ZNF280C: variants seen among roughly 807,000 people sequenced by gnomAD.
ZNF280C encodes the protein suppressor of hairy wing homolog 3.
A neutral mutation model predicts 53.6 loss-of-function variants in ZNF280C; 14 were observed. The observed-to-expected ratio is 0.26, with a 90% CI of 0.17 to 0.41. The LOEUF (loss-of-function observed/expected upper bound fraction) is 0.41, where lower values mean the gene tolerates loss of function less well. Ranked by LOEUF, ZNF280C falls within the 10% of genes least tolerant of loss-of-function variation. ZNF280C has a pLI of 1.00. For missense variants in ZNF280C, 416 were observed against 547.1 expected (o/e 0.76, Z 2.39); for synonymous variants, 203 against 181.1 (o/e 1.12, Z -0.97).
At chrX:130,209,785 C>T in intron 15 of ZNF280C, 70 bp from the exon 16 acceptor site, 1 of 842,967 alleles carries the variant, frequency 1.2e-6, no homozygotes, top group South Asian at 2.4e-5. Flanking sequence ...TTTCTGACCA[C>T]ATTTCAAGCC....
Position 130,236,269 on chromosome X carries a change from C to A in ZNF280C, c.716G>T (p.Cys239Phe). ...YDAGADYLRA[C>F]PKCNVQFNLL... ...ATTGAACTGAACATTGCACTTTGGA[C>A]AAGCTCTTAGGTAATCTGCTCCAGC... The change falls in exon 8 of 19, where the codon TGT becomes TTT. Residue 239 changes from cysteine to phenylalanine, a missense_variant. Physicochemically the swap from Cys to Phe is radical, Grantham distance 205 (BLOSUM62 -2). Coordinates refer to ENST00000370978, the MANE Select transcript of ZNF280C (RefSeq NM_017666.5). The A allele has an allele frequency of 8.3e-7, 1 of 1,208,108 alleles. No individual in the cohort carries two copies. Among genetic ancestry groups the A allele is most frequent in the African/African-American group, 1.7e-5 (1 of 57,749 alleles).
Position 130,226,745 on chromosome X carries a change from C to T in ZNF280C, c.1395+14G>A, listed in dbSNP as rs764886088. 3 of 1,198,518 alleles carry T rather than the reference C, an allele frequency of 2.5e-6. No individual in the cohort carries two copies. Among genetic ancestry groups the T allele is most frequent in the Admixed American group, 4.6e-5 (2 of 43,516 alleles). ...CTAAGACAACATGAACAAATAAGAA[C>T]TGCTTAATCTCACCTGATGCTTCAT... On this transcript the variant is annotated intron_variant, in intron 12 of 18. Coordinates refer to ENST00000370978, the MANE Select transcript of ZNF280C (RefSeq NM_017666.5).
Position 130,204,993 on chromosome X carries a change from C to T in ZNF280C, c.2199-1G>A. 1 of 1,036,439 alleles carries T rather than the reference C, an allele frequency of 9.6e-7. No individual in the cohort carries two copies. Among genetic ancestry groups the T allele is most frequent in the Non-Finnish European group, 1.2e-6 (1 of 801,536 alleles). 85.4% of individuals were successfully genotyped at this position (1,036,439 alleles called of 1,213,427 possible). On this transcript the variant is annotated splice_acceptor_variant, in intron 18 of 18. Transcript: ENST00000370978. LOFTEE classifies it high-confidence loss of function. ...AGCAGGAATCTATTTCAATGAGCAG[C>T]TTTAAGAAAAAAAAAAAAAAACTTT... is the stretch of plus-strand genomic sequence containing the variant.
chrX:130,257,044 CAA>C (rs1211466342), intron 2 of ZNF280C, among the ~76,000 whole-genome samples: 1 of 107,295 alleles, frequency 9.3e-6, no homozygotes, highest in African/African-American at 3.4e-5. Context: ...ACTAAAAACA[CAA>C]AAAAATTAGC....
intron 2 of ZNF280C, among the ~76,000 whole-genome samples, chrX:130,247,990 T>C (rs754334678): frequency 1.9e-5 from 2 of 107,451 alleles, no homozygotes; most frequent in African/African-American, 6.8e-5. Flanking sequence ...AGCATTTTAG[T>C]GCCTCACTCT....
At chrX:130,249,731 C>G (rs2032487665) in intron 2 of ZNF280C, among the ~76,000 whole-genome samples, 1 of 112,085 alleles carries the variant, frequency 8.9e-6, no homozygotes, top group African/African-American at 3.2e-5. Flanking sequence ...CAAAAGAACT[C>G]TGACAACTCA....
intron 2 of ZNF280C, among the ~76,000 whole-genome samples, chrX:130,248,695 G>T (rs1268887696): frequency 8.9e-6 from 1 of 111,800 alleles, no homozygotes; most frequent in Non-Finnish European, 1.9e-5. Flanking sequence ...AGCCTAGAGT[G>T]CCCTGATGGC....
At chrX:130,261,133 G>A (rs1262577088) in intron 1 of ZNF280C, among the ~76,000 whole-genome samples, 2 of 111,857 alleles carry the variant, frequency 1.8e-5, no homozygotes, top group Non-Finnish European at 3.8e-5. Context: ...AGTATGCCAA[G>A]TTCTAGGGAA....
At chrX:130,206,825 T>C (rs955141815) in intron 16 of ZNF280C, among the ~76,000 whole-genome samples, 1 of 112,012 alleles carries the variant, frequency 8.9e-6, no homozygotes, top group Non-Finnish European at 1.9e-5. Context: ...AGGCTCAAAT[T>C]TGTAGTTATC....
chrX:130,230,322 T>A (rs900943956), intron 9 of ZNF280C, among the ~76,000 whole-genome samples, 188 bp downstream of exon 9: 4 of 111,487 alleles, frequency 3.6e-5, no homozygotes, highest in Non-Finnish European at 7.5e-5. Context: ...AACAACTAGG[T>A]GGATCCTGGA....
chrX:130,260,613 C>A (rs936706963), intron 1 of ZNF280C, 148 bp from the exon 2 acceptor site: 14 of 322,330 alleles, frequency 4.3e-5, no homozygotes, highest in Admixed American at 2.3e-4. Flanking sequence ...AGACAGTAAG[C>A]TAGGTCTCAG....
At chrX:130,225,065 T>C (rs1177123288) in intron 12 of ZNF280C, among the ~76,000 whole-genome samples, 1 of 111,627 alleles carries the variant, frequency 9.0e-6, no homozygotes, top group African/African-American at 3.3e-5. Flanking sequence ...AGTTAAGGCA[T>C]ACAACTTAGG....
intron 16 of ZNF280C, among the ~76,000 whole-genome samples, chrX:130,208,215 C>T (rs765887962): frequency 7.2e-5 from 8 of 111,442 alleles, no homozygotes; most frequent in African/African-American, 2.6e-4. Flanking sequence ...CTGCAACCTC[C>T]GCCTTCCAGG....
intron 13 of ZNF280C, among the ~76,000 whole-genome samples, chrX:130,219,486 CAAAAAAA>C (rs11299878): frequency 3.1e-5 from 1 of 32,742 alleles, no homozygotes; most frequent in Non-Finnish European, 4.7e-5. Flanking sequence ...GACTCTGTCT[CAAAAAAA>C]AAAAAAAAAA....
intron 6 of ZNF280C, among the ~76,000 whole-genome samples, chrX:130,237,916 A>G (rs1253148891): frequency 9.0e-6 from 1 of 111,299 alleles, no homozygotes; most frequent in Non-Finnish European, 1.9e-5. Context: ...AACCAGCTGG[A>G]TAATAGACTG....
intron 12 of ZNF280C, among the ~76,000 whole-genome samples, chrX:130,225,864 G>A (rs960101643): frequency 8.9e-6 from 1 of 111,826 alleles, no homozygotes; most frequent in Non-Finnish European, 1.9e-5. Flanking sequence ...TCAATACTAC[G>A]AAAATGTAAT....
In ZNF280C at chrX:130,223,351, C is replaced by T. The variant is rs185522951; in HGVS notation, c.1396-2871G>A. Among the ~76,000 whole-genome samples, 5 of 112,386 alleles carry T rather than the reference C, an allele frequency of 4.4e-5. No individual in the cohort carries two copies. In the Admixed American group the frequency reaches 4.7e-4, roughly 11 times the overall value. ...GGGATTACAGGCATGAGCCACTGCA[C>T]CTGGCCAATTTGAGGGATTTTCAAG... On this transcript the variant is annotated intron_variant, in intron 12 of 18. Coordinates refer to ENST00000370978, the MANE Select transcript of ZNF280C (RefSeq NM_017666.5).
chrX:130,250,030 C>T (rs763513707), intron 2 of ZNF280C, among the ~76,000 whole-genome samples: 2 of 111,468 alleles, frequency 1.8e-5, no homozygotes, highest in South Asian at 3.8e-4. Context: ...GTATTAATAG[C>T]GGAATAGAAC....
chrX:130,224,095 G>A (rs757380830), intron 12 of ZNF280C, among the ~76,000 whole-genome samples: 1 of 111,750 alleles, frequency 8.9e-6, no homozygotes, highest in Non-Finnish European at 1.9e-5. Context: ...CAATTCATAT[G>A]GCGAAATCCT....
Sources: allele counts gnomAD v4.1 joint callset (sites outside exome capture counted in the v4.1 genomes callset), GRCh38; gene constraint gnomAD v4.1.1; transcripts MANE v1.5; gene names NCBI Gene and HGNC (gene_info 2026-07-23, HGNC 2026-07-21).